The following RNF168 variants were observed in gnomAD, a reference collection of about 807,000 sequenced individuals.
RNF168 encodes the protein E3 ubiquitin-protein ligase RNF168.
In RNF168, 34 loss-of-function variants were observed where a neutral mutation model predicts 34.9. The observed-to-expected ratio is 0.97, with a 90% confidence interval of 0.74 to 1.30. The LOEUF (loss-of-function observed/expected upper bound fraction) is 1.30. Among genes scored for constraint, RNF168 ranks in the 50% most tolerant of loss-of-function variants. The pLI, the probability that RNF168 is intolerant of heterozygous loss-of-function variation, is 0.00. For synonymous variants in RNF168, 264 were observed against 254.7 expected, an observed-to-expected ratio of 1.04 and a Z score of -0.35; for missense variants, 725 against 682.5, an observed-to-expected ratio of 1.06 and a Z score of -0.69.
chr3:196,473,257 T>A (rs193106528), intron 5 of RNF168, among the ~76,000 whole-genome samples: 380 of 152,316 alleles, frequency 2.5e-3, no homozygotes, highest in African/African-American at 8.3e-3. Context: ...TTTTGGCATT[T>A]AGGTGAAGCT....
rs550482990 is a variant in RNF168, at chr3:196,498,046, A to T, written c.301+4827T>A. On this transcript the variant is annotated intron_variant, in intron 1 of 5. Coordinates refer to ENST00000318037, the MANE Select transcript of RNF168 (RefSeq NM_152617.4). The stretch of plus-strand genomic sequence containing the variant: ...AATACAAATCAACTGGAATGGTTAA[A>T]TCTAAAAAGACAGATAACATCAAAA... Among the ~76,000 whole-genome samples the T allele has an allele frequency of 2.4e-3, 370 of 152,344 alleles. 1 individual carries two copies. Among genetic ancestry groups the T allele is most frequent in the Admixed American group, 4.2e-3 (65 of 15,298 alleles).
At chr3:196,480,174 G>A (rs943822867) in intron 4 of RNF168, among the ~76,000 whole-genome samples, 11 of 152,026 alleles carry the variant, frequency 7.2e-5, no homozygotes, top group African/African-American at 2.7e-4. Flanking sequence ...TTTTTACCCT[G>A]TCTTATGGTG....
Position 196,472,756 on chromosome 3 carries a change from T to C in RNF168, c.779A>G (p.Asp260Gly). 3 of 1,606,656 alleles carry C rather than the reference T, an allele frequency of 1.9e-6. No homozygotes were observed. The highest frequency in any genetic ancestry group is 1.7e-6 in the Non-Finnish European group (2 of 1,173,686). The change falls in exon 6 of 6, where the codon GAT (aspartate) becomes GGT (glycine). Residue 260 changes from aspartate to glycine, a missense_variant. Asp to Gly is a moderately conservative substitution (Grantham distance 94). Transcript: ENST00000318037. ...GTCTTGCCCTGTTGGGCTTTTCCTATCACTACTGTCAATGTCCTGTAGAAA... is the reference window on the plus strand; with the variant it reads ...GTCTTGCCCTGTTGGGCTTTTCCTACCACTACTGTCAATGTCCTGTAGAAA... ...DSVSKDIDSS[D>G]RKSPTGQDTE... is the part of the protein sequence containing the mutation.
rs910473625 is a variant in RNF168 at position 196,482,914 on chromosome 3, T to A, written c.680+856A>T. On this transcript the variant is annotated intron_variant, in intron 4 of 5. Coordinates refer to ENST00000318037, the MANE Select transcript of RNF168 (RefSeq NM_152617.4). ...ATTTTTGCTTTTAAATCCTTAGTTTTTCTTGTATCTCTGGTAATTTTTTAT... is the reference window on the plus strand; with the variant it reads ...ATTTTTGCTTTTAAATCCTTAGTTTATCTTGTATCTCTGGTAATTTTTTAT... 2.0e-5 allele frequency among the ~76,000 whole-genome samples: 3 copies of A among 152,164 alleles called. No homozygotes were observed. The East Asian group carries it at 5.8e-4, about 29-fold the overall frequency.
chr3:196,472,245 T>C lies in RNF168; in HGVS notation c.1290A>G (p.Ile430Met), dbSNP rs1451934853. 6.2e-7 allele frequency: 1 copy of C among 1,613,948 alleles called. No homozygotes were observed. Among genetic ancestry groups the C allele is most frequent in the Admixed American group, 1.7e-5 (1 of 60,016 alleles). Residue 430 changes from isoleucine (I) to methionine (M), a missense_variant, in exon 6 of 6, where the codon ATA becomes ATG. Ile to Met is a conservative substitution (Grantham distance 10). Transcript: ENST00000318037. ...ETEINFTQKL[I>M]DLEHLLFERH... ...TCTCAAACAGTAGATGCTCCAAATC[T>C]ATCAGTTTTTGGGTAAAGTTTATTT...
intron 4 of RNF168, among the ~76,000 whole-genome samples, chr3:196,477,265 T>C (rs1370578431): frequency 6.6e-6 from 1 of 152,190 alleles, no homozygotes; most frequent in Non-Finnish European, 1.5e-5. Flanking sequence ...TGTCTCCAAA[T>C]GGTGGAAACT....
intron 1 of RNF168, among the ~76,000 whole-genome samples, chr3:196,497,041 G>C (rs538319810): frequency 2.0e-5 from 3 of 152,080 alleles, no homozygotes; most frequent in Non-Finnish European, 4.4e-5. Context: ...AGCTACTCAG[G>C]AGGCTGAGGA....
intron 3 of RNF168, among the ~76,000 whole-genome samples, chr3:196,486,973 C>T (rs187579257): frequency 7.2e-5 from 11 of 152,178 alleles, no homozygotes; most frequent in African/African-American, 2.6e-4. Flanking sequence ...GAAGGATCAC[C>T]GGAGCCCGGC....
At chr3:196,476,679 G>A (rs1172657924) in intron 4 of RNF168, among the ~76,000 whole-genome samples, 1 of 151,968 alleles carries the variant, frequency 6.6e-6, no homozygotes, top group Non-Finnish European at 1.5e-5. Flanking sequence ...GCCTCCCAAA[G>A]TGCTGGGATA....
rs766545137 is a variant in RNF168, at chr3:196,488,662, C to T, written c.323G>A (p.Arg108His). The T allele has an allele frequency of 1.1e-5, 18 of 1,605,902 alleles. No homozygotes were observed. The highest frequency in any genetic ancestry group is 1.1e-4 in the South Asian group (10 of 90,912). ...EEVADDYQPV[R>H]LLSKPGELRR... is the part of the protein sequence containing the mutation. ...CAGTTCCCCAGGTTTACTGAGCAGA[C>T]GAACTGGCTGATAGTCATCAGCTAT... Residue 108 changes from arginine to histidine, a missense_variant, in exon 2 of 6, where the codon CGT becomes CAT. Arg to His is a conservative substitution (Grantham distance 29). Transcript: ENST00000318037.
chr3:196,502,836 C>G (rs753030604), intron 1 of RNF168, 37 bp downstream of exon 1: 2 of 1,577,244 alleles, frequency 1.3e-6, no homozygotes, highest in African/African-American at 1.3e-5. Context: ...CAAAGACTTG[C>G]GGCTTTTGGC....
At position 196,492,316 on chromosome 3, in the gene RNF168, T is replaced by C. The variant is rs142492837; in HGVS notation, c.302-3633A>G. On this transcript the variant is annotated intron_variant, in intron 1 of 5. Transcript: ENST00000318037. ...GCTATCAAGACCAGCCTGGGCAACA[T>C]AGCAAGACCCCATCTTTGTTCAAAA... Among the ~76,000 whole-genome samples the C allele has an allele frequency of 1.5e-3, 219 of 150,638 alleles. 2 individuals are homozygous for C. The highest frequency in any genetic ancestry group is 5.0e-3 in the African/African-American group (203 of 40,876).
intron 4 of RNF168, among the ~76,000 whole-genome samples, chr3:196,482,536 C>A (rs1732322199): frequency 6.6e-6 from 1 of 152,198 alleles, no homozygotes; most frequent in Non-Finnish European, 1.5e-5. Context: ...TTTCTGCAGC[C>A]ACGATACCAC....
chr3:196,473,277 C>T (rs1337190201), intron 5 of RNF168, among the ~76,000 whole-genome samples: 5 of 152,152 alleles, frequency 3.3e-5, no homozygotes, highest in African/African-American at 1.2e-4. Flanking sequence ...TTACAGACCA[C>T]TTCTGAGAAT....
chr3:196,476,227 T>C (rs1732147112), intron 4 of RNF168, among the ~76,000 whole-genome samples: 1 of 152,144 alleles, frequency 6.6e-6, no homozygotes, highest in African/African-American at 2.4e-5. Flanking sequence ...CAAGACTCTA[T>C]AGTCTTCCCA....
At position 196,503,096 on chromosome 3, in the gene RNF168, G is replaced by A. The variant is rs1392585899; in HGVS notation, c.78C>T (p.Pro26=). ...GCGTGTGGTTACACGGGAGGGTGACGGGCTCCACGAGGATTTCCATGCAGA... is the reference window on the plus strand; with the variant it reads ...GCGTGTGGTTACACGGGAGGGTGACAGGCTCCACGAGGATTTCCATGCAGA... The part of the protein sequence containing the change: ...CGICMEILVE[P]VTLPCNHTLC... The change falls in exon 1 of 6, where the codon CCC becomes CCT. Residue 26 remains proline, a synonymous_variant. Transcript: ENST00000318037. 2 of 1,614,012 alleles carry A rather than the reference G, an allele frequency of 1.2e-6. No individual in the cohort carries two copies. Among genetic ancestry groups the A allele is most frequent in the East Asian group, 2.2e-5 (1 of 44,896 alleles).
intron 4 of RNF168, among the ~76,000 whole-genome samples, chr3:196,479,174 G>A (rs1470107591): frequency 3.3e-5 from 5 of 149,876 alleles, no homozygotes; most frequent in African/African-American, 7.4e-5. Context: ...CACCACACCC[G>A]GCTAATTTTT....
In RNF168 at chr3:196,470,642, C is replaced by T. The variant is rs1355762766; in HGVS notation, c.*1177G>A. 6.8e-6 allele frequency: 1 copy of T among 146,760 alleles called. No homozygotes were observed. Among genetic ancestry groups the T allele is most frequent in the African/African-American group, 2.5e-5 (1 of 39,338 alleles). 9.1% of individuals were successfully genotyped at this position (146,760 alleles called of 1,614,324 possible). ...CCTCAGCCTCATCCTCGTCTGGACCCGTTTCTGACGACCTAATCAGTTTCA... is the reference window on the plus strand; with the variant it reads ...CCTCAGCCTCATCCTCGTCTGGACCTGTTTCTGACGACCTAATCAGTTTCA... On this transcript the variant is annotated 3_prime_UTR_variant, in exon 6 of 6. Transcript: ENST00000318037.
rs1732945375 is a variant in RNF168 at position 196,503,148 on chromosome 3, G to A, written c.26C>T (p.Pro9Leu). 2 of 1,614,184 alleles carry A rather than the reference G, an allele frequency of 1.2e-6. No homozygotes were observed. Among genetic ancestry groups the A allele is most frequent in the Non-Finnish European group, 1.7e-6 (2 of 1,180,014 alleles). The change falls in exon 1 of 6, where the codon CCC becomes CTC. Residue 9 changes from proline to leucine, a missense_variant. By Grantham distance (98) the Pro-to-Leu change is moderately conservative. Transcript: ENST00000318037. ...CCCGCACTGGCACTCGGACAGCGAG[G>A]GGATGGCGTCTTTGGGTAGAGCCAT... Reference protein sequence around the residue: MALPKDAIPSLSECQCGIC... With the variant: MALPKDAILSLSECQCGIC...
Sources: allele counts gnomAD v4.1 joint callset (sites outside exome capture counted in the v4.1 genomes callset), GRCh38; gene constraint gnomAD v4.1.1; transcripts MANE v1.5; gene names NCBI Gene and HGNC (gene_info 2026-07-23, HGNC 2026-07-21).